ECE2: variants seen among roughly 807,000 people sequenced by gnomAD.
The protein encoded by ECE2 is endothelin-converting enzyme 2.
Under a neutral mutation model 100.6 loss-of-function variants are expected in ECE2, and 81 were observed. The ratio of observed to expected loss-of-function variants is 0.81; its 90% CI spans 0.67 to 0.97. The LOEUF (loss-of-function observed/expected upper bound fraction) is 0.97. Ranked by LOEUF, ECE2 falls within the 50% of genes least tolerant of loss-of-function variation. ECE2 has a pLI of 0.00. For missense variants in ECE2, 911 were observed against 988.1 expected (o/e 0.92, Z 1.05); for synonymous variants, 391 against 391.5 (o/e 1.00, Z 0.02).
At chr3:184,284,925 G>C in intron 8 of ECE2, 38 bp from the exon 9 acceptor site, 2 of 1,602,634 alleles carry the variant, frequency 1.2e-6, no homozygotes, top group South Asian at 1.1e-5. Flanking sequence ...TGCTGGAAGC[G>C]AGTCGGGCAG....
In ECE2 at chr3:184,288,069, G is replaced by A. The variant is rs3762643; in HGVS notation, c.1374+122G>A. 2.0e-4 allele frequency: 160 copies of A among 813,864 alleles called. No individual in the cohort carries two copies. In the East Asian group the frequency reaches 4.5e-3, roughly 23 times the overall value. The allele number at this position is 813,864 out of a possible 1,614,324, so 50.4% of individuals were successfully genotyped here. A position where few individuals can be genotyped will look rare whatever the true frequency, so the allele number is the denominator to read the frequency against. ...CTCACGCCGGTAATCCCAGCACTTT[G>A]GGAGGCCAAGGCGGGTGAATCATGG... is the stretch of plus-strand genomic sequence containing the variant. On this transcript the variant is annotated intron_variant, in intron 11 of 18. Transcript: ENST00000404464.
At position 184,287,932 on chromosome 3, in the gene ECE2, G is replaced by T; in HGVS notation, c.1359G>T (p.Arg453=). ...TCTTCGTGAAGGCCACGTTTGACCG[G>T]CAAAGCAAAGAAATTGTGAGTCTAC... ...GSLFVKATFD[R]QSKEIAEGMI... The change falls in exon 11 of 19, where the codon CGG becomes CGT. Residue 453 remains arginine, a synonymous_variant. Coordinates refer to ENST00000404464, the MANE Select transcript of ECE2 (RefSeq NM_001100121.2). The T allele has an allele frequency of 6.2e-7, 1 of 1,613,982 alleles. No individual in the cohort carries two copies. The highest frequency in any genetic ancestry group is 8.5e-7 in the Non-Finnish European group (1 of 1,179,902).
At chr3:184,286,886 G>A (rs1464891571) in intron 10 of ECE2, among the ~76,000 whole-genome samples, 1 of 151,766 alleles carries the variant, frequency 6.6e-6, no homozygotes, top group Non-Finnish European at 1.5e-5. Flanking sequence ...TGGGTGGAGT[G>A]CTTGAGCTCA....
Position 184,289,447 on chromosome 3 carries a change from T to TGATCAGCGAAATCCGGAC in ECE2, c.1386_1403dup (p.Ile463_Thr468dup). 6.2e-7 allele frequency: 1 copy of TGATCAGCGAAATCCGGAC among 1,606,972 alleles called. No homozygotes were observed. The highest frequency in any genetic ancestry group is 8.5e-7 in the Non-Finnish European group (1 of 1,177,016). ...CCTCCTCCCTCCCAGGCAGAGGGGA[T>TGATCAGCGAAATCCGGAC]GATCAGCGAAATCCGGACCGCATTT... On this transcript the variant is annotated inframe_insertion, in exon 12 of 19. Transcript: ENST00000404464. The surrounding 1 kb of genome is among the most constrained non-coding windows in gnomAD (Gnocchi z 4.1).
At chr3:184,282,649 C>T (rs538821168) in intron 7 of ECE2, among the ~76,000 whole-genome samples, 3 of 152,346 alleles carry the variant, frequency 2.0e-5, no homozygotes, top group Admixed American at 6.5e-5. Flanking sequence ...TGAGTTTGTA[C>T]TGGACCCGAG....
intron 11 of ECE2, among the ~76,000 whole-genome samples, chr3:184,288,559 G>A (rs138806567): frequency 1.3e-5 from 2 of 152,220 alleles, no homozygotes; most frequent in African/African-American, 4.8e-5. Context: ...AGCAGAAAAT[G>A]AGAACAGGTT....
At chr3:184,278,849 C>A (rs1189975128) in intron 7 of ECE2, 1 of 463,642 alleles carries the variant, frequency 2.2e-6, no homozygotes, top group African/African-American at 2.0e-5. Flanking sequence ...CCACAGGAAG[C>A]GTTCAGTGTC....
Position 184,286,796 on chromosome 3 carries a change from T to TAA in ECE2, c.1264-1023_1264-1022dup, listed in dbSNP as rs11449762. ...TGGGCTACAAGAGCAAAACTCTGTT[T>TAA]AAAAAAAAAAAAAAAAAAAGGCAAT... On this transcript the variant is annotated intron_variant, in intron 10 of 18. Coordinates refer to ENST00000404464, the MANE Select transcript of ECE2 (RefSeq NM_001100121.2). Among the ~76,000 whole-genome samples the TAA allele has an allele frequency of 1.7e-3, 203 of 121,914 alleles. 1 individual carries two copies. The highest frequency in any genetic ancestry group is 3.3e-3 in the African/African-American group (104 of 31,154). 80.0% of individuals were successfully genotyped at this position (121,914 alleles called of 152,430 possible). A position where few individuals can be genotyped will look rare whatever the true frequency, so the allele number is the denominator to read the frequency against.
chr3:184,277,521 C>G, intron 4 of ECE2, 55 bp downstream of exon 4: 2 of 1,573,104 alleles, frequency 1.3e-6, no homozygotes, highest in Non-Finnish European at 1.7e-6. Flanking sequence ...GTGCCCAGCA[C>G]AGGGCCTGGC....
Position 184,277,029 on chromosome 3 carries a change from T to A in ECE2, c.262+2T>A. 6.2e-7 allele frequency: 1 copy of A among 1,613,780 alleles called. No individual in the cohort carries two copies. The highest frequency in any genetic ancestry group is 8.5e-7 in the Non-Finnish European group (1 of 1,179,922). ...CCCTAGGGGTCCAGTACCACAGAGG[T>A]AGGTGGGCCCACACTCTTCGTCAGT... On this transcript the variant is annotated splice_donor_variant, in intron 3 of 18. Transcript: ENST00000404464. LOFTEE classifies it high-confidence loss of function.
chr3:184,276,087 CG>C lies in ECE2; in HGVS notation c.-63del. On this transcript the variant is annotated 5_prime_UTR_variant, in exon 1 of 19. An upstream open reading frame in the 5' UTR loses its in-frame stop. Coordinates refer to ENST00000404464, the MANE Select transcript of ECE2 (RefSeq NM_001100121.2). Reference sequence around the variant, plus strand: ...GTGACGGCGGGGCCGGGCAGGGGACCGGGGCCGCGGCCCGGGAGCGGGCCAG... The same window carrying C: ...GTGACGGCGGGGCCGGGCAGGGGACCGGGCCGCGGCCCGGGAGCGGGCCAG... The C allele has an allele frequency of 2.4e-6, 3 of 1,249,694 alleles. No homozygotes were observed. Among genetic ancestry groups the C allele is most frequent in the Non-Finnish European group, 3.0e-6 (3 of 997,886 alleles). The allele number at this position is 1,249,694 out of a possible 1,614,324, so 77.4% of individuals were successfully genotyped here.
chr3:184,291,760 G>A lies in ECE2; in HGVS notation c.2122-302G>A, dbSNP rs1481240197. On this transcript the variant is annotated intron_variant, in intron 18 of 18. Coordinates refer to ENST00000404464, the MANE Select transcript of ECE2 (RefSeq NM_001100121.2). The surrounding 1 kb of genome is among the most constrained non-coding windows in gnomAD (Gnocchi z 4.1). ...CACGCTGTTCCTGTGAGGGAGACAT[G>A]CAGGAAACGAAAGCTCGGGACGCAG... 5 of 514,936 alleles carry A rather than the reference G, an allele frequency of 9.7e-6. No individual in the cohort carries two copies. Among genetic ancestry groups the A allele is most frequent in the Non-Finnish European group, 1.0e-5 (3 of 290,572 alleles). The allele number at this position is 514,936 out of a possible 1,614,324, so 31.9% of individuals were successfully genotyped here. A position where few individuals can be genotyped will look rare whatever the true frequency, so the allele number is the denominator to read the frequency against.
chr3:184,277,824 C>T, intron 4 of ECE2, 101 bp from the exon 5 acceptor site: 1 of 1,523,702 alleles, frequency 6.6e-7, no homozygotes, highest in Non-Finnish European at 8.8e-7. Context: ...GTTAGCAGGA[C>T]TGCTCATTGA....
In ECE2 at chr3:184,291,959, G is replaced by C; in HGVS notation, c.2122-103G>C. The stretch of plus-strand genomic sequence containing the variant: ...CAGTTTTGGAAGGAACTTGGGAGGG[G>C]CTGCAGCGGTGGTGGTTTGTGCCCC... On this transcript the variant is annotated intron_variant, in intron 18 of 18. Transcript: ENST00000404464. The surrounding 1 kb of genome is among the most constrained non-coding windows in gnomAD (Gnocchi z 4.1). 2.2e-6 allele frequency: 3 copies of C among 1,359,898 alleles called. No homozygotes were observed. Among genetic ancestry groups the C allele is most frequent in the Non-Finnish European group, 3.0e-6 (3 of 990,356 alleles). 84.2% of individuals were successfully genotyped at this position (1,359,898 alleles called of 1,614,324 possible). A position where few individuals can be genotyped will look rare whatever the true frequency, so the allele number is the denominator to read the frequency against.
chr3:184,284,085 T>C, intron 8 of ECE2, 112 bp downstream of exon 8: 1 of 1,290,828 alleles, frequency 7.7e-7, no homozygotes, highest in Non-Finnish European at 1.1e-6. Context: ...CTCATTCCCT[T>C]GCTTTTCTGT....
chr3:184,290,707 G>T (rs1169363243), intron 15 of ECE2, 40 bp downstream of exon 15: 2 of 1,612,956 alleles, frequency 1.2e-6, no homozygotes, highest in Admixed American at 3.3e-5. Context: ...TGGGGCCTGG[G>T]CCTGTGGTTG....
intron 8 of ECE2, among the ~76,000 whole-genome samples, 170 bp downstream of exon 8, chr3:184,284,143 T>G (rs1423771165): frequency 3.3e-5 from 5 of 152,090 alleles, no homozygotes; most frequent in Admixed American, 2.6e-4. Context: ...ATGGTGTCCA[T>G]TTAGGCCACC....
chr3:184,278,131 C>G, intron 5 of ECE2, 36 bp from the exon 6 acceptor site: 1 of 1,613,626 alleles, frequency 6.2e-7, no homozygotes, highest in Non-Finnish European at 8.5e-7. Context: ...TTTGGGAGCT[C>G]CTGCACTAAT....
In ECE2 at chr3:184,276,042, C is replaced by CGCG; in HGVS notation, c.-106_-104dup. On this transcript the variant is annotated 5_prime_UTR_variant, in exon 1 of 19. Coordinates refer to ENST00000404464, the MANE Select transcript of ECE2 (RefSeq NM_001100121.2). The stretch of plus-strand genomic sequence containing the variant: ...CGGCCGCGGCCGAGCGGGGGTGCTG[C>CGCG]GCGGCGGCCGTGATGGCTGGTGACG... 2 of 1,125,276 alleles carry CGCG rather than the reference C, an allele frequency of 1.8e-6. No individual in the cohort carries two copies. The highest frequency in any genetic ancestry group is 2.2e-6 in the Non-Finnish European group (2 of 918,132). 69.7% of individuals were successfully genotyped at this position (1,125,276 alleles called of 1,614,324 possible).
Sources: allele counts gnomAD v4.1 joint callset (sites outside exome capture counted in the v4.1 genomes callset), GRCh38; gene constraint gnomAD v4.1.1; non-coding constraint Gnocchi (gnomAD v3.1); transcripts MANE v1.5; gene names NCBI Gene and HGNC (gene_info 2026-07-23, HGNC 2026-07-21).